The following STAT3 variants were observed in gnomAD, a reference collection of about 807,000 sequenced individuals.
The protein encoded by STAT3 is signal transducer and activator of transcription 3.
A neutral mutation model predicts 114.3 loss-of-function variants in STAT3; 7 were observed. That is an observed-to-expected ratio of 0.06 (90% CI 0.03 to 0.11). The LOEUF (loss-of-function observed/expected upper bound fraction) is 0.11. STAT3 is among the 10% of genes least tolerant of loss of function. The pLI is 1.00. For missense variants in STAT3, 364 were observed against 960.9 expected, an observed-to-expected ratio of 0.38 and a Z score of 8.21; for synonymous variants, 331 against 354.5, an observed-to-expected ratio of 0.93 and a Z score of 0.74.
In STAT3 at chr17:42,324,637, C is replaced by T. The variant is rs958162742; in HGVS notation, c.1600+74G>A. The T allele has an allele frequency of 6.6e-6, 10 of 1,511,072 alleles. No individual in the cohort carries two copies. The African/African-American group carries it at 1.3e-4, about 20-fold the overall frequency. 93.6% of individuals were successfully genotyped at this position (1,511,072 alleles called of 1,614,324 possible). ...GGCCTAATGCTCAGTAGACATGGCCCAAATGAACAGCCCTATGGGCCGGAT... is the reference window on the plus strand; with the variant it reads ...GGCCTAATGCTCAGTAGACATGGCCTAAATGAACAGCCCTATGGGCCGGAT... On this transcript the variant is annotated intron_variant, in intron 17 of 23. Transcript: ENST00000264657. The surrounding 1 kb of genome is among the most constrained non-coding windows in gnomAD (Gnocchi z 4.5).
intron 23 of STAT3, chr17:42,316,336 A>C: frequency 2.8e-6 from 1 of 360,628 alleles, no homozygotes; most frequent in Non-Finnish European, 5.4e-6. Context: ...CCCAGGCTCA[A>C]GCGATCCTCC....
chr17:42,361,861 G>T (rs996110841), intron 1 of STAT3, among the ~76,000 whole-genome samples: 6 of 152,168 alleles, frequency 3.9e-5, no homozygotes, highest in African/African-American at 1.4e-4. Context: ...ATTTCAAAAA[G>T]ATCCCTCAGG....
rs73983715 is a variant in STAT3, at chr17:42,348,603, G to C, written c.-23-64C>G. 2.8e-4 allele frequency: 444 copies of C among 1,591,598 alleles called. 4 individuals carry two copies. In the African/African-American group the frequency reaches 5.5e-3, roughly 20 times the overall value. On this transcript the variant is annotated intron_variant, in intron 1 of 23. Coordinates refer to ENST00000264657, the MANE Select transcript of STAT3 (RefSeq NM_139276.3). ...AGTAGGGGTAAACAATCTAGAAGTAGCCATTGCCCAACACAGGTGTCAGGT... is the reference window on the plus strand; with the variant it reads ...AGTAGGGGTAAACAATCTAGAAGTACCCATTGCCCAACACAGGTGTCAGGT...
At chr17:42,326,053 G>T in intron 15 of STAT3, 63 bp downstream of exon 15, 1 of 1,399,812 alleles carries the variant, frequency 7.1e-7, no homozygotes, top group Non-Finnish European at 1.0e-6. Flanking sequence ...AAATCCCAGT[G>T]GAAGTTTTTG....
chr17:42,319,541 CAAAAAA>C (rs552897255), intron 21 of STAT3, among the ~76,000 whole-genome samples: 3 of 43,852 alleles, frequency 6.8e-5, no homozygotes, highest in East Asian at 5.5e-4. Flanking sequence ...GACTCAGGCT[CAAAAAA>C]AAAAAAAAAA....
intron 1 of STAT3, among the ~76,000 whole-genome samples, chr17:42,370,765 G>C (rs1470948988): frequency 2.0e-5 from 3 of 148,050 alleles, no homozygotes; most frequent in Non-Finnish European, 3.0e-5. Context: ...ACAACACCCA[G>C]CTAATTTTTT....
In STAT3 at chr17:42,349,322, T is replaced by C. The variant is rs181572370; in HGVS notation, c.-23-783A>G. Among the ~76,000 whole-genome samples, 6 of 152,354 alleles carry C rather than the reference T, an allele frequency of 3.9e-5. No homozygotes were observed. In the East Asian group the frequency reaches 7.7e-4, roughly 20 times the overall value. On this transcript the variant is annotated intron_variant, in intron 1 of 23. Transcript: ENST00000264657. Reference sequence around the variant, plus strand: ...TAATAATTCCCACTCCTCAGAGGTATTGAGATATTCCTACAGCATCCAGCT... The same window carrying C: ...TAATAATTCCCACTCCTCAGAGGTACTGAGATATTCCTACAGCATCCAGCT...
intron 11 of STAT3, among the ~76,000 whole-genome samples, chr17:42,330,431 T>TAATGTCGTCAAAGGG (rs2081956732): frequency 6.8e-6 from 1 of 146,212 alleles, no homozygotes; most frequent in African/African-American, 2.5e-5. Flanking sequence ...TTCTCTTTTC[T>TAATGTCGTCAAAGGG]TTTCTTTTTT....
At chr17:42,381,731 CAAAAAA>C (rs398038044) in intron 1 of STAT3, among the ~76,000 whole-genome samples, 1 of 57,766 alleles carries the variant, frequency 1.7e-5, no homozygotes, top group African/African-American at 5.4e-5. Context: ...GACTCCATCT[CAAAAAA>C]AAAAAAAAAA....
chr17:42,320,483 A>C (rs2081425840), intron 21 of STAT3, among the ~76,000 whole-genome samples: 1 of 152,186 alleles, frequency 6.6e-6, no homozygotes, highest in Non-Finnish European at 1.5e-5. Flanking sequence ...TAATCCCAGC[A>C]CTTTGGGAGG....
chr17:42,378,721 C>T (rs184870159), intron 1 of STAT3, among the ~76,000 whole-genome samples: 1 of 152,196 alleles, frequency 6.6e-6, no homozygotes, highest in Non-Finnish European at 1.5e-5. Context: ...TATTTCAATG[C>T]TAACTCAATG....
At chr17:42,386,676 G>C (rs1010904939) in intron 1 of STAT3, among the ~76,000 whole-genome samples, 11 of 152,126 alleles carry the variant, frequency 7.2e-5, no homozygotes, top group African/African-American at 1.7e-4. Flanking sequence ...GATCAGAGGT[G>C]TGCACCACCA....
intron 21 of STAT3, among the ~76,000 whole-genome samples, 158 bp downstream of exon 21, chr17:42,322,124 C>A (rs530760441): frequency 1.3e-5 from 2 of 152,198 alleles, no homozygotes; most frequent in Non-Finnish European, 2.9e-5. Context: ...CAAATCCCAT[C>A]GGTCACCCCA....
chr17:42,316,955 T>TG (rs1253938404), intron 22 of STAT3, 54 bp from the exon 23 acceptor site: 1 of 1,548,866 alleles, frequency 6.5e-7, no homozygotes. Context: ...CAAGACACAA[T>TG]GGAAAAAAAA....
At chr17:42,329,283 C>T (rs2081884399) in intron 14 of STAT3, 127 bp downstream of exon 14, 3 of 1,435,288 alleles carry the variant, frequency 2.1e-6, no homozygotes, top group Non-Finnish European at 2.9e-6. Context: ...CCTGAAGTGA[C>T]TTTTTGGAAT....
chr17:42,377,802 T>C (rs1237874351), intron 1 of STAT3, among the ~76,000 whole-genome samples: 4 of 152,158 alleles, frequency 2.6e-5, no homozygotes, highest in African/African-American at 9.7e-5. Context: ...GGAAAAAGTT[T>C]AACCCAAAGA....
chr17:42,364,935 A>G (rs574965085), intron 1 of STAT3, among the ~76,000 whole-genome samples: 1 of 152,166 alleles, frequency 6.6e-6, no homozygotes, highest in Non-Finnish European at 1.5e-5. Flanking sequence ...GGTCACTTAC[A>G]TGGAACAATA....
At chr17:42,343,580 G>A (rs1007796927) in intron 4 of STAT3, among the ~76,000 whole-genome samples, 4 of 149,612 alleles carry the variant, frequency 2.7e-5, no homozygotes, top group East Asian at 2.0e-4. Flanking sequence ...CCAGCTTCCC[G>A]AGTAGCTGGG....
At chr17:42,330,720 C>T (rs1465692648) in intron 11 of STAT3, among the ~76,000 whole-genome samples, 2 of 152,110 alleles carry the variant, frequency 1.3e-5, no homozygotes, top group African/African-American at 4.8e-5. Flanking sequence ...TGAGCCACCG[C>T]GCCCGGCCCA....
Sources: allele counts gnomAD v4.1 joint callset (sites outside exome capture counted in the v4.1 genomes callset), GRCh38; gene constraint gnomAD v4.1.1; non-coding constraint Gnocchi (gnomAD v3.1); transcripts MANE v1.5; gene names NCBI Gene and HGNC (gene_info 2026-07-23, HGNC 2026-07-21).